DERA: variants seen among roughly 807,000 people sequenced by gnomAD.
The protein encoded by DERA is 2-deoxy-D-ribose 5-phosphate aldolase.
DERA carries 15 observed loss-of-function variants against 41.1 expected under a neutral mutation model. That is an observed-to-expected ratio of 0.37 (90% CI 0.24 to 0.56). DERA has a LOEUF of 0.56. DERA is among the 20% of genes least tolerant of loss of function. The probability of loss-of-function intolerance (pLI) is 0.81; values close to 1 mark genes in which losing one functional copy is unlikely to be tolerated. For missense variants in DERA, 396 were observed against 403.4 expected (o/e 0.98, Z 0.16); for synonymous variants, 139 against 137.4 (o/e 1.01, Z -0.08).
Position 15,931,941 on chromosome 12 carries a change from G to A in DERA, c.31+20527G>A, listed in dbSNP as rs1948331138. 6.6e-6 allele frequency among the ~76,000 whole-genome samples: 1 copy of A among 152,058 alleles called. No homozygotes were observed. Among genetic ancestry groups the A allele is most frequent in the African/African-American group, 2.4e-5 (1 of 41,386 alleles). ...CCTTTCACGTGTCCGCTTCCCCTTT[G>A]ACCTTTTGCCATGTTATGACTCAGC... is the stretch of plus-strand genomic sequence containing the variant. On this transcript the variant is annotated intron_variant, in intron 1 of 8. Coordinates refer to ENST00000428559, the MANE Select transcript of DERA (RefSeq NM_015954.4). The surrounding 1 kb of genome is among the most constrained non-coding windows in gnomAD (Gnocchi z 4.6).
Position 16,017,772 on chromosome 12 carries a change from T to C in DERA, c.638-14770T>C, listed in dbSNP as rs1375278131. On this transcript the variant is annotated intron_variant, in intron 6 of 8. Coordinates refer to ENST00000428559, the MANE Select transcript of DERA (RefSeq NM_015954.4). The surrounding 1 kb of genome is among the most constrained non-coding windows in gnomAD (Gnocchi z 5.5). ...TAGTGTCGGAATTACCATACGAAAC[T>C]CTCTTTCTAACTTTAATCGGTAATT... Among the ~76,000 whole-genome samples, 1 of 152,162 alleles carries C rather than the reference T, an allele frequency of 6.6e-6. No homozygotes were observed. Among genetic ancestry groups the C allele is most frequent in the Non-Finnish European group, 1.5e-5 (1 of 68,018 alleles).
chr12:15,914,037 T>C (rs1948182392), intron 1 of DERA, among the ~76,000 whole-genome samples: 1 of 152,236 alleles, frequency 6.6e-6, no homozygotes, highest in South Asian at 2.1e-4. Context: ...TTTTGTTCAC[T>C]GATGTGTCCC....
At chr12:15,975,837 A>G (rs1592029601) in intron 5 of DERA, among the ~76,000 whole-genome samples, 1 of 152,164 alleles carries the variant, frequency 6.6e-6, no homozygotes, top group Non-Finnish European at 1.5e-5. Flanking sequence ...TTTCAGGCGT[A>G]TCTTTGACTT....
rs1948549731 is a variant in DERA at position 15,957,609 on chromosome 12, GTGAT to G, written c.130-575_130-572del. On this transcript the variant is annotated intron_variant, in intron 2 of 8. Coordinates refer to ENST00000428559, the MANE Select transcript of DERA (RefSeq NM_015954.4). The surrounding 1 kb of genome is among the most constrained non-coding windows in gnomAD (Gnocchi z 4.8). Reference sequence around the variant, plus strand: ...CATTTCACAAGTGAGACAGAATACTGTGATTGAATCCTTGAGAGTGATAGTTCAC... The same window carrying G: ...CATTTCACAAGTGAGACAGAATACTGTGAATCCTTGAGAGTGATAGTTCAC... Among the ~76,000 whole-genome samples the G allele has an allele frequency of 1.3e-5, 2 of 152,194 alleles. No individual in the cohort carries two copies. The highest frequency in any genetic ancestry group is 4.1e-4 in the South Asian group (2 of 4,826).
intron 1 of DERA, among the ~76,000 whole-genome samples, chr12:15,919,600 C>A (rs1948226500): frequency 6.6e-6 from 1 of 152,180 alleles, no homozygotes; most frequent in Admixed American, 6.5e-5. Context: ...TTCTCCTCAG[C>A]CTGCCTCAGC....
At position 15,999,317 on chromosome 12, in the gene DERA, A is replaced by G. The variant is rs1215273501; in HGVS notation, c.637+16881A>G. 6.6e-6 allele frequency among the ~76,000 whole-genome samples: 1 copy of G among 152,264 alleles called. No individual in the cohort carries two copies. The highest frequency in any genetic ancestry group is 1.9e-4 in the East Asian group (1 of 5,202). On this transcript the variant is annotated intron_variant, in intron 6 of 8. Transcript: ENST00000428559. This position sits in a 1 kb window ranked among gnomAD's most constrained non-coding sequence, Gnocchi z 5.3. ...AGAGAATGGAGAGAGTAAAGTAAGCATGACATAGTTCCTGGCCTTAAAAAA... is the reference window on the plus strand; with the variant it reads ...AGAGAATGGAGAGAGTAAAGTAAGCGTGACATAGTTCCTGGCCTTAAAAAA...
chr12:16,009,738 T>C lies in DERA; in HGVS notation c.638-22804T>C, dbSNP rs181424288. ...TTCCTGAAATACATGGGAGAAATTA[T>C]ATCTACAATGTAGAAGACTCTAACA... On this transcript the variant is annotated intron_variant, in intron 6 of 8. Coordinates refer to ENST00000428559, the MANE Select transcript of DERA (RefSeq NM_015954.4). This position sits in a 1 kb window ranked among gnomAD's most constrained non-coding sequence, Gnocchi z 5.3. Among the ~76,000 whole-genome samples the C allele has an allele frequency of 2.3e-3, 345 of 152,320 alleles. 2 individuals carry two copies. The highest frequency in any genetic ancestry group is 7.8e-3 in the African/African-American group (325 of 41,580).
In DERA at chr12:15,958,514, CTT is replaced by C. The variant is rs78571301; in HGVS notation, c.277+197_277+198del. On this transcript the variant is annotated intron_variant, in intron 3 of 8. Coordinates refer to ENST00000428559, the MANE Select transcript of DERA (RefSeq NM_015954.4). ...AAAACAGCAGGAAGAGAATCTGAGT[CTT>C]TTTTTTTTTTTTTTTTTGAGGTCAG... Among the ~76,000 whole-genome samples the C allele has an allele frequency of 7.0e-3, 863 of 124,038 alleles. 8 individuals are homozygous for C. Among genetic ancestry groups the C allele is most frequent in the African/African-American group, 0.016 (543 of 33,888 alleles). The allele number at this position is 124,038 out of a possible 152,430, so 81.4% of individuals were successfully genotyped here.
In DERA at chr12:16,012,848, ATATTT is replaced by A. The variant is rs1948955767; in HGVS notation, c.638-19688_638-19684del. Among the ~76,000 whole-genome samples the A allele has an allele frequency of 6.6e-6, 1 of 152,240 alleles. No individual in the cohort carries two copies. The highest frequency in any genetic ancestry group is 1.5e-5 in the Non-Finnish European group (1 of 68,046). ...AAGAGAAACAGGTGAAACAGTAATT[ATATTT>A]TATTTAATAAATCTGCAATATATCA... is the stretch of plus-strand genomic sequence containing the variant. On this transcript the variant is annotated intron_variant, in intron 6 of 8. Transcript: ENST00000428559. This position sits in a 1 kb window ranked among gnomAD's most constrained non-coding sequence, Gnocchi z 4.1.
In DERA at chr12:16,011,006, G is replaced by C. The variant is rs943907061; in HGVS notation, c.638-21536G>C. Among the ~76,000 whole-genome samples the C allele has an allele frequency of 6.6e-6, 1 of 152,218 alleles. No homozygotes were observed. The highest frequency in any genetic ancestry group is 1.9e-4 in the East Asian group (1 of 5,182). ...AAAATTCATAGCACTTTCTAATCCT[G>C]ATAAAGTAGCCTAATTTTCTAGCTT... On this transcript the variant is annotated intron_variant, in intron 6 of 8. Transcript: ENST00000428559. This position sits in a 1 kb window ranked among gnomAD's most constrained non-coding sequence, Gnocchi z 4.7.
chr12:16,006,251 C>G (rs937090167), intron 6 of DERA, among the ~76,000 whole-genome samples: 1 of 151,624 alleles, frequency 6.6e-6, no homozygotes, highest in Non-Finnish European at 1.5e-5. Context: ...GACATTTGTC[C>G]AACCCAAATC....
rs1948358954 is a variant in DERA at position 15,935,567 on chromosome 12, T to TA, written c.32-21368dup. ...TATATGTTCAGTTTTCACATATCTG[T>TA]ACCAGTTTCAGTGTAATTTGATTTA... On this transcript the variant is annotated intron_variant, in intron 1 of 8. Transcript: ENST00000428559. This position sits in a 1 kb window ranked among gnomAD's most constrained non-coding sequence, Gnocchi z 4.8. Among the ~76,000 whole-genome samples, 1 of 152,240 alleles carries TA rather than the reference T, an allele frequency of 6.6e-6. No homozygotes were observed. The highest frequency in any genetic ancestry group is 6.5e-5 in the Admixed American group (1 of 15,288).
In DERA at chr12:15,936,595, C is replaced by G. The variant is rs1458990854; in HGVS notation, c.32-20341C>G. Among the ~76,000 whole-genome samples the G allele has an allele frequency of 5.3e-5, 8 of 152,158 alleles. No individual in the cohort carries two copies. Among genetic ancestry groups the G allele is most frequent in the Admixed American group, 4.6e-4 (7 of 15,274 alleles). On this transcript the variant is annotated intron_variant, in intron 1 of 8. Coordinates refer to ENST00000428559, the MANE Select transcript of DERA (RefSeq NM_015954.4). The surrounding 1 kb of genome is among the most constrained non-coding windows in gnomAD (Gnocchi z 4.6). ...ATTTGAAATAATTCCTGGTTAACAT[C>G]TAATACTGAGACCATATTTAAATTT...
rs1948608619 is a variant in DERA at position 15,964,342 on chromosome 12, C to T, written c.508+1395C>T. Among the ~76,000 whole-genome samples, 6 of 152,182 alleles carry T rather than the reference C, an allele frequency of 3.9e-5. No homozygotes were observed. In the South Asian group the frequency reaches 1.2e-3, roughly 31 times the overall value. ...AATATTAACTACTTTCCTGTACATT[C>T]CCATTTCCATTGCGTTCACCCCACT... On this transcript the variant is annotated intron_variant, in intron 5 of 8. Transcript: ENST00000428559.
intron 1 of DERA, among the ~76,000 whole-genome samples, chr12:15,925,705 C>T (rs535715858): frequency 5.3e-5 from 8 of 152,014 alleles, no homozygotes; most frequent in African/African-American, 1.9e-4. Context: ...AGGTTTAGTC[C>T]CTGTGGGAGG....
chr12:16,027,577 G>A (rs867480085), intron 6 of DERA, among the ~76,000 whole-genome samples: 2 of 152,222 alleles, frequency 1.3e-5, no homozygotes, highest in African/African-American at 4.8e-5. Flanking sequence ...AGGAATTGGA[G>A]TGATGCAGCT....
Position 15,931,925 on chromosome 12 carries a change from T to G in DERA, c.31+20511T>G, listed in dbSNP as rs530351507. 6.6e-6 allele frequency among the ~76,000 whole-genome samples: 1 copy of G among 152,322 alleles called. No individual in the cohort carries two copies. The highest frequency in any genetic ancestry group is 2.1e-4 in the South Asian group (1 of 4,834). Reference sequence around the variant, plus strand: ...TTGCACATACCTGCTACCTTTCACGTGTCCGCTTCCCCTTTGACCTTTTGC... The same window carrying G: ...TTGCACATACCTGCTACCTTTCACGGGTCCGCTTCCCCTTTGACCTTTTGC... On this transcript the variant is annotated intron_variant, in intron 1 of 8. Transcript: ENST00000428559. The surrounding 1 kb of genome is among the most constrained non-coding windows in gnomAD (Gnocchi z 4.6).
intron 6 of DERA, among the ~76,000 whole-genome samples, chr12:15,991,713 A>G (rs956901183): frequency 2.6e-5 from 4 of 152,274 alleles, no homozygotes; most frequent in East Asian, 1.9e-4. Flanking sequence ...TCGATGATCT[A>G]TGCACATTTA....
rs533008671 is a variant in DERA, at chr12:16,008,191, G to A, written c.638-24351G>A. ...TCTTTTTCTCTGTTTCTTCAGCAAC[G>A]TGCAGACACATTGGTGTACAGATGC... On this transcript the variant is annotated intron_variant, in intron 6 of 8. Transcript: ENST00000428559. The surrounding 1 kb of genome is among the most constrained non-coding windows in gnomAD (Gnocchi z 4.8). Among the ~76,000 whole-genome samples the A allele has an allele frequency of 1.2e-4, 19 of 152,332 alleles. No individual in the cohort carries two copies. Among genetic ancestry groups the A allele is most frequent in the African/African-American group, 4.3e-4 (18 of 41,568 alleles).
Sources: allele counts gnomAD v4.1 joint callset (sites outside exome capture counted in the v4.1 genomes callset), GRCh38; gene constraint gnomAD v4.1.1; non-coding constraint Gnocchi (gnomAD v3.1); transcripts MANE v1.5; gene names NCBI Gene and HGNC (gene_info 2026-07-23, HGNC 2026-07-21).